The following PRICKLE2 variants were observed in gnomAD, a reference collection of about 807,000 sequenced individuals.
PRICKLE2 encodes the protein prickle planar cell polarity protein 2.
In PRICKLE2, 21 loss-of-function variants were observed where a neutral mutation model predicts 81.4. The ratio of observed to expected loss-of-function variants is 0.26; its 90% CI spans 0.18 to 0.37. PRICKLE2 has a LOEUF of 0.37. Among genes scored for constraint, PRICKLE2 ranks in the 10% least tolerant of loss-of-function variants. The pLI is 1.00. For synonymous variants in PRICKLE2, 456 were observed against 421.5 expected (o/e 1.08, Z -1.00); for missense variants, 940 against 1,109.0 (o/e 0.85, Z 2.16).
rs1041334849 is a variant in PRICKLE2 at position 64,240,096 on chromosome 3, C to T, written c.129-41129G>A. 2.0e-5 allele frequency among the ~76,000 whole-genome samples: 3 copies of T among 152,080 alleles called. No individual in the cohort carries two copies. The South Asian group carries it at 6.2e-4, about 31-fold the overall frequency. On this transcript the variant is annotated intron_variant, in intron 2 of 8. Coordinates refer to the PRICKLE2 transcript ENST00000295902. ...TGTGTTCACACCACGGCACTCCAGC[C>T]TGTGCGACAGAGACCCTGTCTCAAA...
intron 1 of PRICKLE2, chr3:64,201,017 C>G (rs1490150442): frequency 6.6e-6 from 1 of 151,554 alleles, no homozygotes; most frequent in Admixed American, 6.6e-5. Flanking sequence ...GCAAGCTCCA[C>G]CTCCTGGGTT....
chr3:64,138,417 A>T (rs577775716), intron 7 of PRICKLE2, among the ~76,000 whole-genome samples: 124 of 152,354 alleles, frequency 8.1e-4, no homozygotes, highest in African/African-American at 2.8e-3. Flanking sequence ...GGGAAGATCA[A>T]TACTTTTTCC....
Position 64,224,993 on chromosome 3 carries a change from C to T in PRICKLE2, c.-124G>A, listed in dbSNP as rs1349522037. 3 of 985,464 alleles carry T rather than the reference C, an allele frequency of 3.0e-6. No individual in the cohort carries two copies. The East Asian group carries it at 3.4e-4, about 112-fold the overall frequency. The allele number at this position is 985,464 out of a possible 1,614,324, so 61.0% of individuals were successfully genotyped here. On this transcript the variant is annotated 5_prime_UTR_variant, in exon 1 of 8. Coordinates refer to ENST00000638394, the MANE Select transcript of PRICKLE2 (RefSeq NM_198859.4). ...TGTCAATTGTCCCAGTTCACTTTCTCCCTGGATCTGACTTCTAAGAACGCA... is the reference window on the plus strand; with the variant it reads ...TGTCAATTGTCCCAGTTCACTTTCTTCCTGGATCTGACTTCTAAGAACGCA...
At chr3:64,116,164 A>G (rs1387126424) in intron 7 of PRICKLE2, among the ~76,000 whole-genome samples, 1 of 152,230 alleles carries the variant, frequency 6.6e-6, no homozygotes, top group Non-Finnish European at 1.5e-5. Context: ...CAAAGATACA[A>G]CATATCAGAA....
chr3:64,206,464 G>C (rs182182379), intron 1 of PRICKLE2, among the ~76,000 whole-genome samples: 146 of 152,280 alleles, frequency 9.6e-4, no homozygotes, highest in Admixed American at 1.8e-3. Context: ...TGCATCACTA[G>C]GCCCTCCTGC....
At chr3:64,235,123 A>G (rs948474235) in intron 2 of PRICKLE2, among the ~76,000 whole-genome samples, 1 of 152,136 alleles carries the variant, frequency 6.6e-6, no homozygotes, top group Non-Finnish European at 1.5e-5. Flanking sequence ...AAATCTGCCA[A>G]TATTTTTCTT....
At chr3:64,224,307 G>A (rs2079000406) in intron 1 of PRICKLE2, among the ~76,000 whole-genome samples, 1 of 152,132 alleles carries the variant, frequency 6.6e-6, no homozygotes, top group Admixed American at 6.5e-5. Flanking sequence ...ATTGGTTTTC[G>A]AGAAGCCAAG....
intron 7 of PRICKLE2, among the ~76,000 whole-genome samples, chr3:64,139,502 T>C (rs1173604836): frequency 6.6e-6 from 1 of 152,220 alleles, no homozygotes; most frequent in African/African-American, 2.4e-5. Flanking sequence ...TAGCCTGGGC[T>C]ACACAGCCCC....
At chr3:64,197,325 G>A (rs2078473874) in intron 2 of PRICKLE2, among the ~76,000 whole-genome samples, 1 of 152,122 alleles carries the variant, frequency 6.6e-6, no homozygotes, top group Non-Finnish European at 1.5e-5. Context: ...AGGTCTTTGA[G>A]GAATTGTCAC....
At chr3:64,192,529 G>A (rs927665466) in intron 2 of PRICKLE2, among the ~76,000 whole-genome samples, 1 of 152,132 alleles carries the variant, frequency 6.6e-6, no homozygotes, top group African/African-American at 2.4e-5. Flanking sequence ...GACACCTGAT[G>A]GATGAGTAAT....
intron 1 of PRICKLE2, among the ~76,000 whole-genome samples, chr3:64,211,138 G>A (rs2078779526): frequency 6.6e-6 from 1 of 152,158 alleles, no homozygotes; most frequent in Non-Finnish European, 1.5e-5. Context: ...ACTCCTTGGT[G>A]CTCTTTGCCC....
intron 2 of PRICKLE2, chr3:64,194,387 G>A (rs1045887926): frequency 6.6e-6 from 1 of 152,208 alleles, no homozygotes; most frequent in Non-Finnish European, 1.5e-5. Context: ...CTGCTGAGAT[G>A]TCCTCCAGTT....
At chr3:64,159,855 C>T (rs2077701845) in intron 4 of PRICKLE2, 85 bp downstream of exon 4, 7 of 1,533,020 alleles carry the variant, frequency 4.6e-6, no homozygotes, top group Non-Finnish European at 6.3e-6. Context: ...ACATAGTAGG[C>T]ACTCAGTAAA....
intron 7 of PRICKLE2, among the ~76,000 whole-genome samples, chr3:64,136,299 C>T (rs767086930): frequency 1.4e-4 from 21 of 151,748 alleles, no homozygotes; most frequent in Admixed American, 2.6e-4. Flanking sequence ...ATATGTAAGA[C>T]GAAGAGTCTG....
intron 2 of PRICKLE2, among the ~76,000 whole-genome samples, chr3:64,165,082 T>C (rs1362767814): frequency 6.6e-6 from 1 of 152,196 alleles, no homozygotes; most frequent in East Asian, 1.9e-4. Flanking sequence ...TTAGGGACAA[T>C]TGCTAATATG....
chr3:64,240,186 C>T (rs956947981), intron 2 of PRICKLE2, among the ~76,000 whole-genome samples: 6 of 152,008 alleles, frequency 3.9e-5, no homozygotes, highest in Admixed American at 1.3e-4. Flanking sequence ...AGGATTGAGT[C>T]GAATGTGATA....
chr3:64,188,327 A>C (rs1575638792), intron 2 of PRICKLE2, among the ~76,000 whole-genome samples: 2 of 152,218 alleles, frequency 1.3e-5, no homozygotes, highest in African/African-American at 2.4e-5. Flanking sequence ...TAAGTGATGG[A>C]GTCTAGATGT....
chr3:64,120,941 C>T (rs1235416199), intron 7 of PRICKLE2, among the ~76,000 whole-genome samples: 1 of 152,176 alleles, frequency 6.6e-6, no homozygotes, highest in African/African-American at 2.4e-5. Flanking sequence ...AACAACAAAG[C>T]CAGGACTGAA....
intron 2 of PRICKLE2, among the ~76,000 whole-genome samples, chr3:64,261,227 C>A (rs562494765): frequency 6.6e-6 from 1 of 152,094 alleles, no homozygotes; most frequent in East Asian, 1.9e-4. Context: ...TCTACAACCC[C>A]CAGGAAGTAA....
Sources: gnomAD v4.1 joint callset for allele counts (sites outside exome capture counted in the v4.1 genomes callset) on GRCh38, gnomAD v4.1.1 for gene constraint, MANE v1.5 for transcripts, NCBI Gene and HGNC (gene_info 2026-07-23, HGNC 2026-07-21) for gene names.